Variants in COL22A1 observed in about 807,000 individuals in gnomAD.
The protein encoded by COL22A1 is collagen alpha-1(XXII) chain.
Under a neutral mutation model 248.9 loss-of-function variants are expected in COL22A1, and 221 were observed. That is an observed-to-expected ratio of 0.89 (90% CI 0.80 to 0.99). The LOEUF (loss-of-function observed/expected upper bound fraction) is 0.99. Ranked by LOEUF, COL22A1 falls within the 50% of genes least tolerant of loss-of-function variation. COL22A1 has a pLI of 0.00. For synonymous variants in COL22A1, 891 were observed against 793.4 expected, an observed-to-expected ratio of 1.12 and a Z score of -2.07; for missense variants, 2,240 against 2,179.0, an observed-to-expected ratio of 1.03 and a Z score of -0.56.
At chr8:138,787,745 C>T (rs991128471) in intron 12 of COL22A1, among the ~76,000 whole-genome samples, 1 of 152,174 alleles carries the variant, frequency 6.6e-6, no homozygotes, top group East Asian at 1.9e-4. Flanking sequence ...CAAGTCCAGG[C>T]TCTGACCTGT....
chr8:138,621,719 G>T (rs575702901), intron 52 of COL22A1, among the ~76,000 whole-genome samples: 87 of 152,256 alleles, frequency 5.7e-4, no homozygotes, highest in African/African-American at 2.1e-3. Flanking sequence ...AGAAATAATG[G>T]TACCCACAGC....
In COL22A1 at chr8:138,623,749, C is replaced by T. The variant is rs773095960; in HGVS notation, c.3754G>A (p.Gly1252Ser). ...EGKEGRDGKPGPPGEPGKAGE... is the reference protein window; with the variant it reads ...EGKEGRDGKPSPPGEPGKAGE... ...TCCTTTACCGGCTCTCCAGGGGGAC[C>T]CGGCTTTCCATCTCTGCCCTCTTTG... The change falls in exon 52 of 65, where the codon GGT becomes AGT. Residue 1252 changes from glycine to serine, a missense_variant. Gly to Ser is a moderately conservative substitution (Grantham distance 56). Coordinates refer to ENST00000303045, the MANE Select transcript of COL22A1 (RefSeq NM_152888.3). 1.5e-5 allele frequency: 24 copies of T among 1,612,144 alleles called. No homozygotes were observed. In the South Asian group the frequency reaches 2.6e-4, roughly 18 times the overall value.
intron 52 of COL22A1, among the ~76,000 whole-genome samples, chr8:138,622,165 G>A: frequency 6.6e-6 from 1 of 152,192 alleles, no homozygotes; most frequent in East Asian, 1.9e-4. Flanking sequence ...TGCAGTTCTA[G>A]CCTCACCAGG....
chr8:138,687,379 G>A lies in COL22A1; in HGVS notation c.2862+1538C>T, dbSNP rs190837903. Among the ~76,000 whole-genome samples, 73 of 152,288 alleles carry A rather than the reference G, an allele frequency of 4.8e-4. 1 individual carries two copies. In the Middle Eastern group the frequency reaches 0.01, roughly 21 times the overall value. ...TCTGGGAGACGTGTATCTTAAAATT[G>A]AACCTTCCTGCAAAAAGGCAAATGA... On this transcript the variant is annotated intron_variant, in intron 37 of 64. Coordinates refer to ENST00000303045, the MANE Select transcript of COL22A1 (RefSeq NM_152888.3).
At chr8:138,611,528 C>T (rs1428268148) in intron 56 of COL22A1, among the ~76,000 whole-genome samples, 1 of 152,222 alleles carries the variant, frequency 6.6e-6, no homozygotes, top group Non-Finnish European at 1.5e-5. Context: ...ATCACTCCCT[C>T]CCCAGTTGCC....
At chr8:138,832,010 T>G (rs1820081412) in intron 5 of COL22A1, among the ~76,000 whole-genome samples, 1 of 152,100 alleles carries the variant, frequency 6.6e-6, no homozygotes, top group Admixed American at 6.5e-5. Context: ...ATAAAACAGC[T>G]TGCAGTAAAG....
intron 62 of COL22A1, among the ~76,000 whole-genome samples, 195 bp downstream of exon 62, chr8:138,596,709 A>C (rs1817564404): frequency 6.6e-6 from 1 of 152,226 alleles, no homozygotes; most frequent in Non-Finnish European, 1.5e-5. Flanking sequence ...AAGCTGAAGG[A>C]CTAGTCCTAG....
intron 43 of COL22A1, among the ~76,000 whole-genome samples, chr8:138,661,394 GACACCTTTGTCCTAT>G (rs1823943251): frequency 6.6e-6 from 1 of 152,220 alleles, no homozygotes; most frequent in South Asian, 2.1e-4. Context: ...ACTAGTGCCA[GACACCTTTGTCCTAT>G]AAGGACTCAT....
chr8:138,721,353 A>C (rs1181241710), intron 26 of COL22A1, among the ~76,000 whole-genome samples: 2 of 152,322 alleles, frequency 1.3e-5, no homozygotes, highest in South Asian at 2.1e-4. Context: ...GGAAAGAATA[A>C]AGTTCATTTG....
At chr8:138,617,879 T>A (rs1200589638) in intron 53 of COL22A1, among the ~76,000 whole-genome samples, 1 of 152,158 alleles carries the variant, frequency 6.6e-6, no homozygotes, top group African/African-American at 2.4e-5. Flanking sequence ...CAGGACTGAA[T>A]AAGACTGAAT....
intron 6 of COL22A1, among the ~76,000 whole-genome samples, chr8:138,823,357 A>G (rs1361854300): frequency 1.3e-5 from 2 of 152,212 alleles, no homozygotes; most frequent in African/African-American, 4.8e-5. Context: ...TCTGATAAAC[A>G]TGTATTCTTG....
chr8:138,870,596 T>A (rs62645399), intron 3 of COL22A1, among the ~76,000 whole-genome samples: 3 of 151,640 alleles, frequency 2.0e-5, no homozygotes, highest in African/African-American at 7.3e-5. Context: ...TTTGTGCATG[T>A]GTTCATGTAT....
intron 41 of COL22A1, among the ~76,000 whole-genome samples, chr8:138,672,309 C>G (rs1026187050): frequency 6.6e-6 from 1 of 152,134 alleles, no homozygotes; most frequent in African/African-American, 2.4e-5. Context: ...GACATGGAGG[C>G]CTTTGCTCAC....
At position 138,833,155 on chromosome 8, in the gene COL22A1, A is replaced by T. The variant is rs200311608; in HGVS notation, c.734-5T>A. 6.3e-7 allele frequency: 1 copy of T among 1,593,184 alleles called. No individual in the cohort carries two copies. Among genetic ancestry groups the T allele is most frequent in the East Asian group, 2.2e-5 (1 of 44,794 alleles). ...ACAAATCCATCAGGTCAAAACCTGT[A>T]CAAAGAGAAGAGCTGGGAGTGAGTT... On this transcript the variant is annotated splice_polypyrimidine_tract_variant and splice_region_variant and intron_variant, in intron 4 of 64. Coordinates refer to ENST00000303045, the MANE Select transcript of COL22A1 (RefSeq NM_152888.3).
intron 40 of COL22A1, among the ~76,000 whole-genome samples, chr8:138,677,853 C>T (rs78835962): frequency 1.6e-4 from 24 of 152,194 alleles, no homozygotes; most frequent in Admixed American, 8.5e-4. Flanking sequence ...GAGGCCAAGA[C>T]GGCAGGTGAT....
At chr8:138,699,881 G>A (rs1374741355) in intron 32 of COL22A1, among the ~76,000 whole-genome samples, 1 of 152,248 alleles carries the variant, frequency 6.6e-6, no homozygotes, top group African/African-American at 2.4e-5. Flanking sequence ...TCTTAGCTAT[G>A]AGAGGTGACT....
intron 47 of COL22A1, among the ~76,000 whole-genome samples, chr8:138,643,028 TAAAA>T (rs113537470): frequency 3.5e-3 from 452 of 130,598 alleles, no homozygotes; most frequent in African/African-American, 0.011. Flanking sequence ...GACTCTATCT[TAAAA>T]AAAAAAAAAA....
At chr8:138,785,275 C>T (rs1364412539) in intron 12 of COL22A1, among the ~76,000 whole-genome samples, 1 of 152,142 alleles carries the variant, frequency 6.6e-6, no homozygotes, top group Non-Finnish European at 1.5e-5. Context: ...ATAAAGTGGG[C>T]TCAGCTCCCA....
At position 138,807,496 on chromosome 8, in the gene COL22A1, G is replaced by C. The variant is rs184079587; in HGVS notation, c.1494+272C>G. On this transcript the variant is annotated intron_variant, in intron 10 of 64. Transcript: ENST00000303045. ...GTTAATTGACCATGGAGAGTTGAGC[G>C]TGTTGGAGCAAATGAGACCTGAGCC... is the stretch of plus-strand genomic sequence containing the variant. Among the ~76,000 whole-genome samples, 202 of 152,326 alleles carry C rather than the reference G, an allele frequency of 1.3e-3. 1 individual carries two copies. The highest frequency in any genetic ancestry group is 2.5e-3 in the Admixed American group (38 of 15,304).
Sources: allele counts gnomAD v4.1 joint callset (sites outside exome capture counted in the v4.1 genomes callset), GRCh38; gene constraint gnomAD v4.1.1; transcripts MANE v1.5; gene names NCBI Gene and HGNC (gene_info 2026-07-23, HGNC 2026-07-21).